Variants in ARFGEF3 observed in about 807,000 individuals in gnomAD.
ARFGEF3 encodes brefeldin A-inhibited guanine nucleotide-exchange protein 3.
A neutral mutation model predicts 221.7 loss-of-function variants in ARFGEF3; 96 were observed. The ratio of observed to expected loss-of-function variants is 0.43; its 90% CI spans 0.37 to 0.51. The LOEUF is 0.51. Ranked by LOEUF, ARFGEF3 falls within the 20% of genes least tolerant of loss-of-function variation. The probability of loss-of-function intolerance (pLI) is 0.00; values close to 1 mark genes in which losing one functional copy is unlikely to be tolerated. For missense variants in ARFGEF3, 2,410 were observed against 2,789.9 expected, an observed-to-expected ratio of 0.86 and a Z score of 3.07; for synonymous variants, 1,145 against 1,126.8, an observed-to-expected ratio of 1.02 and a Z score of -0.32.
At chr6:138,237,975 T>C (rs1778317979) in intron 5 of ARFGEF3, among the ~76,000 whole-genome samples, 1 of 152,210 alleles carries the variant, frequency 6.6e-6, no homozygotes, top group Admixed American at 6.5e-5. Context: ...GTGTAGGAAT[T>C]TGGAAACATT....
intron 6 of ARFGEF3, among the ~76,000 whole-genome samples, chr6:138,240,207 A>C (rs1778368808): frequency 6.6e-6 from 1 of 152,180 alleles, no homozygotes; most frequent in African/African-American, 2.4e-5. Context: ...ATTAAAATAC[A>C]TAAATAGAAA....
At chr6:138,254,271 C>T (rs1043773801) in intron 9 of ARFGEF3, among the ~76,000 whole-genome samples, 9 of 151,660 alleles carry the variant, frequency 5.9e-5, no homozygotes, top group Non-Finnish European at 1.3e-4. Context: ...ACAAAAATAG[C>T]TGGGCATGGC....
chr6:138,248,336 C>T (rs539460920), intron 8 of ARFGEF3, among the ~76,000 whole-genome samples: 6 of 152,234 alleles, frequency 3.9e-5, no homozygotes, highest in Admixed American at 6.5e-5. Flanking sequence ...ACAGCCTCGC[C>T]GGTGGCAGCC....
chr6:138,285,985 T>A lies in ARFGEF3; in HGVS notation c.2501T>A (p.Leu834Gln), dbSNP rs1287575185. 2 of 1,611,612 alleles carry A rather than the reference T, an allele frequency of 1.2e-6. No individual in the cohort carries two copies. Among genetic ancestry groups the A allele is most frequent in the African/African-American group, 2.7e-5 (2 of 74,944 alleles). The change falls in exon 15 of 34, where the codon CTG becomes CAG. Residue 834 changes from leucine (L) to glutamine (Q), a missense_variant. Leu to Gln is a moderately radical substitution (Grantham distance 113). Around this residue, in one of 5 missense-constraint regions of ARFGEF3, gnomAD observed 594 missense variants for 734.3 expected, o/e 0.81. Transcript: ENST00000251691. ...GLESSAIGGQLMASAATESPF... is the reference protein window; with the variant it reads ...GLESSAIGGQQMASAATESPF... ...GAGAGCAGTGCCATTGGTGGCCAGC[T>A]GATGGCCTCGGCTGCTACAGAGTCT...
intron 29 of ARFGEF3, among the ~76,000 whole-genome samples, chr6:138,321,954 G>A (rs1410649189): frequency 6.6e-6 from 1 of 152,204 alleles, no homozygotes; most frequent in Non-Finnish European, 1.5e-5. Flanking sequence ...GGAGGAGCAA[G>A]TCACATCTTA....
chr6:138,253,782 G>A, intron 8 of ARFGEF3, 98 bp from the exon 9 acceptor site: 1 of 927,116 alleles, frequency 1.1e-6, no homozygotes, highest in Non-Finnish European at 1.7e-6. Flanking sequence ...TAGCACTTTA[G>A]TAACGCCTAC....
intron 24 of ARFGEF3, among the ~76,000 whole-genome samples, chr6:138,309,570 T>C (rs1188643515): frequency 6.6e-6 from 1 of 152,342 alleles, no homozygotes; most frequent in South Asian, 2.1e-4. Flanking sequence ...TAATATAATA[T>C]TGACTAATCT....
intron 4 of ARFGEF3, among the ~76,000 whole-genome samples, chr6:138,219,797 T>C (rs931157104): frequency 3.3e-5 from 5 of 152,086 alleles, no homozygotes; most frequent in African/African-American, 1.2e-4. Flanking sequence ...GATGTGCGTG[T>C]GTGTGTGTGT....
chr6:138,230,522 G>A (rs1181512253), intron 5 of ARFGEF3, among the ~76,000 whole-genome samples: 1 of 152,218 alleles, frequency 6.6e-6, no homozygotes, highest in Non-Finnish European at 1.5e-5. Flanking sequence ...GTTCTGATAA[G>A]AGTATACATT....
chr6:138,164,852 C>G (rs1776693910), intron 1 of ARFGEF3, among the ~76,000 whole-genome samples: 1 of 152,204 alleles, frequency 6.6e-6, no homozygotes, highest in Non-Finnish European at 1.5e-5. Context: ...TAGACCATCT[C>G]AGGAAAACAC....
intron 26 of ARFGEF3, among the ~76,000 whole-genome samples, chr6:138,315,702 T>C (rs1271454418): frequency 6.6e-6 from 1 of 151,726 alleles, no homozygotes; most frequent in Non-Finnish European, 1.5e-5. Context: ...ATACAAAAAT[T>C]AGTCAAGCGT....
At chr6:138,228,698 A>G (rs1778137333) in intron 4 of ARFGEF3, among the ~76,000 whole-genome samples, 1 of 152,182 alleles carries the variant, frequency 6.6e-6, no homozygotes. Flanking sequence ...TAAGACTGAG[A>G]GATGGGGAGA....
At chr6:138,227,311 A>C (rs1778103478) in intron 4 of ARFGEF3, among the ~76,000 whole-genome samples, 1 of 152,070 alleles carries the variant, frequency 6.6e-6, no homozygotes, top group Non-Finnish European at 1.5e-5. Flanking sequence ...CCTTACGAAG[A>C]CCTCACCATG....
intron 2 of ARFGEF3, among the ~76,000 whole-genome samples, chr6:138,174,857 G>A (rs78892858): frequency 0.041 from 6,238 of 152,198 alleles, 146 homozygotes; most frequent in Middle Eastern, 0.086. Flanking sequence ...GTTTTGGTCA[G>A]TTGTGTACGT....
intron 4 of ARFGEF3, chr6:138,218,149 G>A (rs778010258): frequency 6.2e-6 from 10 of 1,613,846 alleles, no homozygotes; most frequent in Non-Finnish European, 8.5e-6. Flanking sequence ...GTCTGCAAGG[G>A]TGTGAGAATT....
At chr6:138,297,935 CTT>C (rs1562383887) in intron 21 of ARFGEF3, among the ~76,000 whole-genome samples, 1 of 152,188 alleles carries the variant, frequency 6.6e-6, no homozygotes, top group East Asian at 1.9e-4. Flanking sequence ...ATAGGTCTCT[CTT>C]TTCATGGTCT....
At chr6:138,303,296 A>G (rs147338655) in intron 22 of ARFGEF3, among the ~76,000 whole-genome samples, 158 of 152,354 alleles carry the variant, frequency 1.0e-3, no homozygotes, top group African/African-American at 3.5e-3. Context: ...TGTGTTTAAC[A>G]TAAAAGAAGG....
chr6:138,298,363 C>T (rs1779560120), intron 21 of ARFGEF3, among the ~76,000 whole-genome samples: 1 of 152,216 alleles, frequency 6.6e-6, no homozygotes, highest in Non-Finnish European at 1.5e-5. Context: ...AAAGAAATTA[C>T]CGGAAACTTT....
At chr6:138,253,414 T>C (rs1255848380) in intron 8 of ARFGEF3, among the ~76,000 whole-genome samples, 1 of 152,174 alleles carries the variant, frequency 6.6e-6, no homozygotes, top group Non-Finnish European at 1.5e-5. Context: ...GTATTACAGT[T>C]CTGGAGCCTG....
Sources: gnomAD v4.1 joint callset for allele counts (sites outside exome capture counted in the v4.1 genomes callset) on GRCh38, gnomAD v4.1.1 for gene constraint, gnomAD v4.1.1 regional missense constraint, MANE v1.5 for transcripts, NCBI Gene and HGNC (gene_info 2026-07-23, HGNC 2026-07-21) for gene names.